Variants in RBM19 observed in about 807,000 individuals in gnomAD.
The protein encoded by RBM19 is probable RNA-binding protein 19.
A neutral mutation model predicts 116.8 loss-of-function variants in RBM19; 94 were observed. The ratio of observed to expected loss-of-function variants is 0.80; its 90% confidence interval spans 0.68 to 0.95. The LOEUF is 0.95. Among genes scored for constraint, RBM19 ranks in the 40% least tolerant of loss-of-function variants. The probability of loss-of-function intolerance (pLI) is 0.00; values close to 1 mark genes in which losing one functional copy is unlikely to be tolerated. For missense variants in RBM19, 1,161 were observed against 1,220.7 expected (o/e 0.95, Z 0.73); for synonymous variants, 475 against 494.1 (o/e 0.96, Z 0.51).
intron 21 of RBM19, among the ~76,000 whole-genome samples, chr12:113,906,095 C>G (rs1472987619): frequency 6.6e-6 from 1 of 152,172 alleles, no homozygotes; most frequent in Non-Finnish European, 1.5e-5. Context: ...ATATGCATAC[C>G]CTGTGGCCCT....
At chr12:113,927,598 A>G (rs541086104) in intron 16 of RBM19, among the ~76,000 whole-genome samples, 1 of 92,012 alleles carries the variant, frequency 1.1e-5, no homozygotes, top group Admixed American at 1.0e-4. Context: ...AAACAAAAAA[A>G]AAAAAACAAA....
At chr12:113,844,029 C>G (rs1197384144) in intron 23 of RBM19, among the ~76,000 whole-genome samples, 1 of 152,252 alleles carries the variant, frequency 6.6e-6, no homozygotes, top group East Asian at 1.9e-4. Flanking sequence ...CCAGCCTCTT[C>G]CACCTGAGCC....
downstream of RBM19, among the ~76,000 whole-genome samples, chr12:113,819,145 G>A (rs1267927701): frequency 3.3e-5 from 5 of 152,170 alleles, no homozygotes; most frequent in East Asian, 1.9e-4. Context: ...GGAGACGGAC[G>A]TGAGGACAGC....
intron 16 of RBM19, among the ~76,000 whole-genome samples, chr12:113,928,187 A>G (rs906465476): frequency 2.0e-5 from 3 of 151,982 alleles, no homozygotes; most frequent in Non-Finnish European, 4.4e-5. Context: ...AAACACAAAA[A>G]TTAGCCGGGC....
At chr12:113,926,440 G>C (rs1869079627) in intron 17 of RBM19, among the ~76,000 whole-genome samples, 2 of 152,160 alleles carry the variant, frequency 1.3e-5, no homozygotes, top group Admixed American at 1.3e-4. Context: ...GTCTCCTGAG[G>C]GAGGTGCCAC....
chr12:113,859,953 G>C (rs1258678924), intron 21 of RBM19, among the ~76,000 whole-genome samples: 2 of 152,146 alleles, frequency 1.3e-5, no homozygotes. Flanking sequence ...AGCTAAATCC[G>C]AAGTGTTAAC....
At position 113,959,873 on chromosome 12, in the gene RBM19, G is replaced by A; in HGVS notation, c.370C>T (p.Leu124=). Residue 124 remains leucine, a synonymous_variant, in exon 4 of 24, where the codon CTG becomes TTG. Coordinates refer to ENST00000261741, the MANE Select transcript of RBM19 (RefSeq NM_016196.4). The part of the protein sequence containing the change: ...DEKKKKVAGQ[L]EKLKEDTEFQ... ...CAACAGGACAGACTCACCTTCTCCA[G>A]TTGACCTGCCACCTTTTTCTTCTTC... 1 of 1,614,100 alleles carries A rather than the reference G, an allele frequency of 6.2e-7. No homozygotes were observed. Among genetic ancestry groups the A allele is most frequent in the Non-Finnish European group, 8.5e-7 (1 of 1,180,030 alleles).
intron 21 of RBM19, among the ~76,000 whole-genome samples, chr12:113,895,358 C>T (rs1415051823): frequency 6.6e-6 from 1 of 152,120 alleles, no homozygotes; most frequent in Non-Finnish European, 1.5e-5. Context: ...CAGTCAGGAC[C>T]ACCTCTCAAC....
intron 23 of RBM19, among the ~76,000 whole-genome samples, chr12:113,826,895 CTCA>C (rs930705878): frequency 2.0e-4 from 30 of 152,270 alleles, no homozygotes; most frequent in African/African-American, 6.3e-4. Flanking sequence ...ACCAAAACAT[CTCA>C]TTCCTTTACC....
chr12:113,928,541 C>T (rs537467786), intron 16 of RBM19, among the ~76,000 whole-genome samples: 36 of 150,858 alleles, frequency 2.4e-4, no homozygotes, highest in African/African-American at 8.5e-4. Flanking sequence ...CCTGTCACTG[C>T]TAGCACTTTG....
chr12:113,845,495 G>C (rs1424587799), intron 22 of RBM19, among the ~76,000 whole-genome samples: 1 of 152,164 alleles, frequency 6.6e-6, no homozygotes, highest in African/African-American at 2.4e-5. Context: ...CTGCTTGTCT[G>C]AAGACAATTC....
chr12:113,955,721 G>A (rs781414573), intron 6 of RBM19, among the ~76,000 whole-genome samples: 2 of 152,168 alleles, frequency 1.3e-5, no homozygotes, highest in African/African-American at 4.8e-5. Flanking sequence ...AACCTGCCCC[G>A]ACTTGAATGC....
chr12:113,919,588 T>C (rs1035125948), intron 19 of RBM19, among the ~76,000 whole-genome samples: 3 of 152,032 alleles, frequency 2.0e-5, no homozygotes, highest in African/African-American at 7.3e-5. Flanking sequence ...AAGAAGAACT[T>C]ATAGCTGGTG....
intron 21 of RBM19, among the ~76,000 whole-genome samples, chr12:113,901,337 G>A (rs942190927): frequency 6.6e-6 from 1 of 151,948 alleles, no homozygotes; most frequent in Non-Finnish European, 1.5e-5. Flanking sequence ...CTGAATATTA[G>A]TTTCCTTCTG....
intron 13 of RBM19, 30 bp from the exon 14 acceptor site, chr12:113,942,464 T>C: frequency 1.9e-6 from 3 of 1,567,472 alleles, no homozygotes; most frequent in South Asian, 1.2e-5. Context: ...GAGTTCTGGT[T>C]GGCTGTCGGC....
chr12:113,963,128 T>C (rs1428513661), intron 1 of RBM19, among the ~76,000 whole-genome samples: 1 of 152,220 alleles, frequency 6.6e-6, no homozygotes, highest in Non-Finnish European at 1.5e-5. Flanking sequence ...CCAGAAGGAC[T>C]GCAGCCCTGC....
intron 16 of RBM19, among the ~76,000 whole-genome samples, chr12:113,931,291 G>C (rs987745130): frequency 6.6e-6 from 1 of 152,066 alleles, no homozygotes; most frequent in African/African-American, 2.4e-5. Flanking sequence ...AACCCAGCTA[G>C]TCCCCAGCAT....
intron 21 of RBM19, among the ~76,000 whole-genome samples, chr12:113,908,177 T>C (rs1266250432): frequency 6.6e-6 from 1 of 152,150 alleles, no homozygotes; most frequent in South Asian, 2.1e-4. Flanking sequence ...AGGGAAAGCC[T>C]GGAGAATGGG....
intron 20 of RBM19, 55 bp from the exon 21 acceptor site, chr12:113,915,140 C>A: frequency 7.5e-7 from 1 of 1,338,858 alleles, no homozygotes; most frequent in Non-Finnish European, 1.1e-6. Flanking sequence ...CAGCTCCTGC[C>A]CAACATTGAC....
Sources: allele counts gnomAD v4.1 joint callset (sites outside exome capture counted in the v4.1 genomes callset), GRCh38; gene constraint gnomAD v4.1.1; transcripts MANE v1.5; gene names NCBI Gene and HGNC (gene_info 2026-07-23, HGNC 2026-07-21).